Variants in PPM1B observed in about 807,000 individuals in gnomAD.
The protein encoded by PPM1B is protein phosphatase 1B.
A neutral mutation model predicts 43.0 loss-of-function variants in PPM1B; 22 were observed. The ratio of observed to expected loss-of-function variants is 0.51; its 90% CI spans 0.37 to 0.73. The LOEUF (loss-of-function observed/expected upper bound fraction) is 0.73, where lower values mean the gene tolerates loss of function less well. PPM1B is among the 30% of genes least tolerant of loss of function. PPM1B has a pLI of 0.00. For missense variants in PPM1B, 632 were observed against 584.2 expected, an observed-to-expected ratio of 1.08 and a Z score of -0.84; for synonymous variants, 217 against 197.9, an observed-to-expected ratio of 1.10 and a Z score of -0.81.
chr2:44,205,349 GT>G (rs778669641), intron 2 of PPM1B, among the ~76,000 whole-genome samples: 4,715 of 146,920 alleles, frequency 0.032, 96 homozygotes, highest in Non-Finnish European at 0.048. Context: ...GTGGGTGTGG[GT>G]GTGGGTGTGT....
intron 1 of PPM1B, among the ~76,000 whole-genome samples, chr2:44,181,403 A>G (rs528679012): frequency 3.3e-4 from 50 of 152,258 alleles, no homozygotes; most frequent in African/African-American, 1.2e-3. Context: ...GGTGTAAAAA[A>G]CCACTGCATC....
chr2:44,216,020 A>C (rs1669702566), intron 3 of PPM1B, among the ~76,000 whole-genome samples: 1 of 152,190 alleles, frequency 6.6e-6, no homozygotes, highest in Non-Finnish European at 1.5e-5. Context: ...GAGGAAAATT[A>C]AGAGGTTTGT....
At chr2:44,176,229 G>T (rs1250633007) in intron 1 of PPM1B, among the ~76,000 whole-genome samples, 1 of 152,180 alleles carries the variant, frequency 6.6e-6, no homozygotes, top group Non-Finnish European at 1.5e-5. Context: ...TGGGAGTAAA[G>T]GTGGAACAAT....
downstream of PPM1B, chr2:44,232,374 T>C (rs745640126): frequency 3.1e-6 from 5 of 1,602,302 alleles, no homozygotes; most frequent in African/African-American, 6.7e-5. Context: ...ATGCTTTTGA[T>C]TCTGAAAATT....
chr2:44,244,306 C>G, exon 6 of PPM1B: 2 of 1,361,302 alleles, frequency 1.5e-6, no homozygotes, highest in African/African-American at 1.5e-5. Context: ...GCAGACCTTC[C>G]AAGCACTCAG....
rs568548251 is a variant in PPM1B, at chr2:44,216,432, T to A, written c.965-1535T>A. On this transcript the variant is annotated intron_variant, in intron 3 of 5. Transcript: ENST00000282412. ...AAGCCTTATACTATAAGACACAGAT[T>A]TAAGGTAGAAAACTTACAGTCCTGC... is the stretch of plus-strand genomic sequence containing the variant. Among the ~76,000 whole-genome samples the A allele has an allele frequency of 1.6e-4, 25 of 152,232 alleles. No homozygotes were observed. The South Asian group carries it at 5.2e-3, about 32-fold the overall frequency.
chr2:44,190,844 A>T (rs1050626571), intron 1 of PPM1B, among the ~76,000 whole-genome samples: 1 of 152,354 alleles, frequency 6.6e-6, no homozygotes, highest in African/African-American at 2.4e-5. Context: ...TGACCATTTA[A>T]TAATAAAATA....
intron 5 of PPM1B, among the ~76,000 whole-genome samples, chr2:44,224,472 A>G (rs1020975999): frequency 1.3e-5 from 2 of 151,934 alleles, no homozygotes; most frequent in Non-Finnish European, 2.9e-5. Flanking sequence ...AAAAAAAAAA[A>G]AAAGAATTTT....
chr2:44,177,134 A>G lies in PPM1B; in HGVS notation c.-15+7860A>G, dbSNP rs141196982. Among the ~76,000 whole-genome samples, 553 of 152,322 alleles carry G rather than the reference A, an allele frequency of 3.6e-3. 2 individuals carry two copies. Among genetic ancestry groups the G allele is most frequent in the African/African-American group, 0.013 (534 of 41,584 alleles). ...TCTGTTACTTTATCAAAATGCTGATATGCAAGAGAACTTGAAATTTTGGAA... is the reference window on the plus strand; with the variant it reads ...TCTGTTACTTTATCAAAATGCTGATGTGCAAGAGAACTTGAAATTTTGGAA... On this transcript the variant is annotated intron_variant, in intron 1 of 5. Transcript: ENST00000282412.
At chr2:44,241,848 G>C (rs1331386980) in intron 5 of PPM1B, among the ~76,000 whole-genome samples, 16 of 110,232 alleles carry the variant, frequency 1.5e-4, no homozygotes, top group African/African-American at 5.6e-4. Context: ...ATAAGTATTA[G>C]AAAATAATCT....
intron 3 of PPM1B, among the ~76,000 whole-genome samples, chr2:44,210,728 A>G (rs941506971): frequency 6.6e-6 from 1 of 151,624 alleles, no homozygotes; most frequent in Non-Finnish European, 1.5e-5. Flanking sequence ...CCTGCCCCCC[A>G]TATTACTAAC....
chr2:44,232,406 C>A (rs560228056), downstream of PPM1B: 1 of 1,593,688 alleles, frequency 6.3e-7, no homozygotes. Context: ...CTTTTAATCA[C>A]AATTTTCTTC....
intron 1 of PPM1B, among the ~76,000 whole-genome samples, chr2:44,200,497 C>T (rs1265309511): frequency 2.0e-5 from 3 of 152,080 alleles, no homozygotes; most frequent in Non-Finnish European, 2.9e-5. Context: ...AAAGTGAAGT[C>T]CATTTTTTAG....
intron 1 of PPM1B, among the ~76,000 whole-genome samples, chr2:44,178,682 G>C (rs930514011): frequency 1.3e-5 from 2 of 151,724 alleles, no homozygotes; most frequent in Non-Finnish European, 2.9e-5. Context: ...TGTTGGCCAG[G>C]GTGGTCTGAA....
intron 2 of PPM1B, among the ~76,000 whole-genome samples, chr2:44,205,613 A>G (rs1669154535): frequency 6.6e-6 from 1 of 151,572 alleles, no homozygotes; most frequent in South Asian, 2.1e-4. Flanking sequence ...GTAAAATAGG[A>G]TTTTTTCTTT....
downstream of PPM1B, among the ~76,000 whole-genome samples, chr2:44,231,681 G>A (rs1484603896): frequency 6.6e-6 from 1 of 151,830 alleles, no homozygotes; most frequent in Non-Finnish European, 1.5e-5. Context: ...ATCTTTTGTG[G>A]TACAAAATAT....
chr2:44,179,706 G>A (rs1667769520), intron 1 of PPM1B, among the ~76,000 whole-genome samples: 1 of 152,078 alleles, frequency 6.6e-6, no homozygotes, highest in African/African-American at 2.4e-5. Context: ...AAATGATGGT[G>A]CTAATTAAAG....
At chr2:44,187,950 C>T (rs947876079) in intron 1 of PPM1B, among the ~76,000 whole-genome samples, 6 of 152,108 alleles carry the variant, frequency 3.9e-5, no homozygotes, top group African/African-American at 1.4e-4. Context: ...CGGGGTTTCA[C>T]CATGTTAGCC....
downstream of PPM1B, chr2:44,234,746 C>T (rs564435696): frequency 1.1e-5 from 3 of 274,682 alleles, no homozygotes; most frequent in South Asian, 2.8e-4. Flanking sequence ...TGGATACTAT[C>T]GATATTTACT....
Sources: gnomAD v4.1 joint callset for allele counts (sites outside exome capture counted in the v4.1 genomes callset) on GRCh38, gnomAD v4.1.1 for gene constraint, MANE v1.5 for transcripts, NCBI Gene and HGNC (gene_info 2026-07-23, HGNC 2026-07-21) for gene names.